Variants in MCCC1 observed in about 807,000 individuals in gnomAD.
MCCC1 encodes the protein methylcrotonoyl-CoA carboxylase subunit alpha, mitochondrial.
MCCC1 carries 64 observed loss-of-function variants against 83.8 expected under a neutral mutation model. That is an observed-to-expected ratio of 0.76 (90% confidence interval 0.62 to 0.94). MCCC1 has a LOEUF of 0.94. MCCC1 is among the 40% of genes least tolerant of loss of function. MCCC1 has a pLI of 0.00. For synonymous variants in MCCC1, 322 were observed against 315.4 expected (o/e 1.02, Z -0.22); for missense variants, 807 against 904.7 (o/e 0.89, Z 1.39).
chr3:183,025,667 A>T, intron 15 of MCCC1, 88 bp downstream of exon 15: 2 of 1,196,190 alleles, frequency 1.7e-6, no homozygotes, highest in Non-Finnish European at 2.5e-6. Context: ...TCAAAGGCTT[A>T]AGGGAAACCA....
intron 3 of MCCC1, among the ~76,000 whole-genome samples, chr3:183,091,546 C>T (rs1176465218): frequency 2.0e-5 from 3 of 151,952 alleles, no homozygotes; most frequent in East Asian, 3.9e-4. Context: ...CCAGCCTGGG[C>T]AACAGAGTGA....
rs142950914 is a variant in MCCC1, at chr3:183,088,216, T to C, written c.274-1428A>G. On this transcript the variant is annotated intron_variant, in intron 3 of 18. Transcript: ENST00000265594. ...GTTGTTGTTGTTGTTGTGTGTTTTT[T>C]TTTTTTTTTGAGGTAAGTCTTGCTC... 3.9e-3 allele frequency among the ~76,000 whole-genome samples: 590 copies of C among 151,584 alleles called. 4 individuals carry two copies. Among genetic ancestry groups the C allele is most frequent in the African/African-American group, 0.013 (554 of 41,444 alleles).
Position 183,064,635 on chromosome 3 carries a change from C to G in MCCC1, c.761+6364G>C, listed in dbSNP as rs1347975800. Among the ~76,000 whole-genome samples, 2 of 152,204 alleles carry G rather than the reference C, an allele frequency of 1.3e-5. No individual in the cohort carries two copies. Among genetic ancestry groups the G allele is most frequent in the Admixed American group, 1.3e-4 (2 of 15,278 alleles). ...CTGCGGTACGCCTCCTGCGCGTTGC[C>G]GAAGTCCACTGCGGGCACCGGCGGC... is the stretch of plus-strand genomic sequence containing the variant. On this transcript the variant is annotated intron_variant, in intron 7 of 18. Transcript: ENST00000265594. The surrounding 1 kb of genome is among the most constrained non-coding windows in gnomAD (Gnocchi z 4.5).
intron 1 of MCCC1, among the ~76,000 whole-genome samples, chr3:183,112,001 C>T (rs1479869958): frequency 6.6e-6 from 1 of 151,264 alleles, no homozygotes; most frequent in Admixed American, 6.6e-5. Flanking sequence ...AAAAAAAAAA[C>T]ATTCCTCAAT....
intron 7 of MCCC1, among the ~76,000 whole-genome samples, chr3:183,066,185 G>T (rs1375077741): frequency 6.6e-6 from 1 of 152,166 alleles, no homozygotes. Context: ...TAAAACCATT[G>T]TATGCAACAG....
chr3:183,078,032 T>C (rs1278001266), intron 4 of MCCC1, among the ~76,000 whole-genome samples: 1 of 152,174 alleles, frequency 6.6e-6, no homozygotes, highest in Non-Finnish European at 1.5e-5. Context: ...TTTATATATA[T>C]ATTTTGAGAC....
At position 183,017,260 on chromosome 3, in the gene MCCC1, C is replaced by T. The variant is rs942888742; in HGVS notation, c.2049+6G>A. On this transcript the variant is annotated splice_donor_region_variant and intron_variant, in intron 18 of 18. Transcript: ENST00000265594. ...CTCATAGCAAATGAACTCATGATTT[C>T]CTTACCTCCATCTTCATGGCGATCA... The T allele has an allele frequency of 6.2e-7, 1 of 1,613,332 alleles. No individual in the cohort carries two copies.
intron 12 of MCCC1, 96 bp downstream of exon 12, chr3:183,038,930 T>C (rs1713839018): frequency 1.8e-6 from 2 of 1,091,890 alleles, no homozygotes; most frequent in Non-Finnish European, 2.8e-6. Context: ...AAATAGAAAA[T>C]ATGCTGACGA....
rs758839058 is a variant in MCCC1 at position 183,071,267 on chromosome 3, G to A, written c.582C>T (p.His194=). 1.1e-5 allele frequency: 17 copies of A among 1,614,140 alleles called. No homozygotes were observed. Among genetic ancestry groups the A allele is most frequent in the South Asian group, 3.3e-5 (3 of 91,078 alleles). The stretch of plus-strand genomic sequence containing the variant: ...TGACAGGATAGCCAATTCTCCTGGC[G>A]TGTTCCTTCAGGCACTGGTCTGATT... ...EDQSDQCLKE[H]ARRIGYPVMI... is the part of the protein sequence containing the mutation. The change falls in exon 6 of 19, where the codon CAC becomes CAT. Residue 194 remains histidine (H), a synonymous_variant. Coordinates refer to ENST00000265594, the MANE Select transcript of MCCC1 (RefSeq NM_020166.5).
intron 4 of MCCC1, among the ~76,000 whole-genome samples, chr3:183,074,229 AG>A (rs547684736): frequency 1.0e-3 from 155 of 152,350 alleles, no homozygotes; most frequent in Middle Eastern, 3.4e-3. Context: ...ACTTCAGCCT[AG>A]TTACTTCCAG....
At chr3:183,112,800 C>T (rs554215587) in intron 1 of MCCC1, among the ~76,000 whole-genome samples, 35 of 152,096 alleles carry the variant, frequency 2.3e-4, no homozygotes, top group African/African-American at 5.8e-4. Flanking sequence ...GAAGGCTGGG[C>T]GCATTGGCTC....
In MCCC1 at chr3:183,020,220, A is replaced by G; in HGVS notation, c.1887T>C (p.Ile629=). ...ATAAGTATTTGGGGACTGGAATGTC[A>G]ATCTCAATACTTCCTTCCTAGAAAC... The part of the protein sequence containing the change: ...YLFSKEGSIE[I]DIPVPKYLSS... The change falls in exon 17 of 19, where the codon ATT becomes ATC. Residue 629 remains isoleucine, a synonymous_variant. Transcript: ENST00000265594. The G allele has an allele frequency of 6.2e-7, 1 of 1,613,874 alleles. No homozygotes were observed. The highest frequency in any genetic ancestry group is 1.1e-5 in the South Asian group (1 of 91,076).
At chr3:183,098,849 A>T (rs1355297972) in intron 1 of MCCC1, 1 of 170,382 alleles carries the variant, frequency 5.9e-6, no homozygotes, top group Non-Finnish European at 1.3e-5. Context: ...ATGAGAAGGA[A>T]CTCCAGGAGT....
intron 1 of MCCC1, among the ~76,000 whole-genome samples, chr3:183,095,562 C>CT (rs1393957684): frequency 1.3e-5 from 2 of 152,098 alleles, no homozygotes; most frequent in African/African-American, 4.8e-5. Context: ...GTTTCTCCAA[C>CT]TTTTTTTTCA....
chr3:183,022,063 G>C (rs1046419338), intron 16 of MCCC1, among the ~76,000 whole-genome samples: 1 of 152,174 alleles, frequency 6.6e-6, no homozygotes, highest in African/African-American at 2.4e-5. Flanking sequence ...CCAGTTGTCA[G>C]GGGGATGGTG....
intron 10 of MCCC1, among the ~76,000 whole-genome samples, chr3:183,043,214 C>CG (rs1479730637): frequency 6.6e-6 from 1 of 152,204 alleles, no homozygotes; most frequent in African/African-American, 2.4e-5. Context: ...TGCTTGAAGC[C>CG]GGGAGGTAGA....
Position 183,055,582 on chromosome 3 carries a change from T to C in MCCC1, c.873+1729A>G, listed in dbSNP as rs1715357023. ...CCTTGTATCTACATGACAGCTTTCA[T>C]AACTATATGTCCACTTATAATTATA... On this transcript the variant is annotated intron_variant, in intron 8 of 18. Coordinates refer to ENST00000265594, the MANE Select transcript of MCCC1 (RefSeq NM_020166.5). Among the ~76,000 whole-genome samples, 2 of 152,130 alleles carry C rather than the reference T, an allele frequency of 1.3e-5. 1 individual carries two copies. Among genetic ancestry groups the C allele is most frequent in the South Asian group, 4.1e-4 (2 of 4,820 alleles).
chr3:183,068,318 T>C (rs1716404424), intron 7 of MCCC1, among the ~76,000 whole-genome samples: 1 of 152,308 alleles, frequency 6.6e-6, no homozygotes. Flanking sequence ...AGTAAAGACG[T>C]TGGCTAAATC....
chr3:183,091,802 G>C (rs1718361008), intron 3 of MCCC1, among the ~76,000 whole-genome samples: 2 of 152,076 alleles, frequency 1.3e-5, no homozygotes, highest in African/African-American at 4.8e-5. Context: ...ACTTTGGGAG[G>C]CCAAGGTGGG....
Sources: allele counts gnomAD v4.1 joint callset (sites outside exome capture counted in the v4.1 genomes callset), GRCh38; gene constraint gnomAD v4.1.1; non-coding constraint Gnocchi (gnomAD v3.1); transcripts MANE v1.5; gene names NCBI Gene and HGNC (gene_info 2026-07-23, HGNC 2026-07-21).